MTPAP: variants seen among roughly 807,000 people sequenced by gnomAD.
MTPAP encodes poly(A) RNA polymerase, mitochondrial.
A neutral mutation model predicts 48.7 loss-of-function variants in MTPAP; 23 were observed. The ratio of observed to expected loss-of-function variants is 0.47; its 90% CI spans 0.34 to 0.67. The LOEUF (loss-of-function observed/expected upper bound fraction) is 0.67. MTPAP is among the 30% of genes least tolerant of loss of function. The pLI, the probability that MTPAP is intolerant of heterozygous loss-of-function variation, is 0.01. For synonymous variants in MTPAP, 257 were observed against 254.1 expected (o/e 1.01, Z -0.11); for missense variants, 614 against 694.3 (o/e 0.88, Z 1.30).
At chr10:30,314,900 AAAAAAGAAG>A (rs1423941294) in intron 8 of MTPAP, among the ~76,000 whole-genome samples, 16 of 146,810 alleles carry the variant, frequency 1.1e-4, no homozygotes, top group African/African-American at 3.7e-4. Context: ...AAAAAAAAAA[AAAAAAGAAG>A]AGAAAAGAAA....
chr10:30,315,912 A>G lies in MTPAP; in HGVS notation c.1386+51T>C, dbSNP rs1023809330. ...TTTTGAAAACAGTTAATTAAATATT[A>G]GTACAGTGGAAGACCAGATACTAAT... On this transcript the variant is annotated intron_variant, in intron 8 of 8. Coordinates refer to ENST00000263063, the MANE Select transcript of MTPAP (RefSeq NM_018109.4). 4 of 1,446,026 alleles carry G rather than the reference A, an allele frequency of 2.8e-6. No individual in the cohort carries two copies. In the African/African-American group the frequency reaches 4.3e-5, roughly 15 times the overall value. The allele number at this position is 1,446,026 out of a possible 1,614,324, so 89.6% of individuals were successfully genotyped here. A position where few individuals can be genotyped will look rare whatever the true frequency, so the allele number is the denominator to read the frequency against.
intron 4 of MTPAP, among the ~76,000 whole-genome samples, chr10:30,334,026 T>G (rs1834701821): frequency 6.6e-6 from 1 of 152,132 alleles, no homozygotes; most frequent in South Asian, 2.1e-4. Flanking sequence ...CACAGTACTG[T>G]GGAATAAGTA....
intron 4 of MTPAP, among the ~76,000 whole-genome samples, chr10:30,329,682 GAATATTAACTA>G (rs531683492): frequency 4.7e-4 from 71 of 151,748 alleles, no homozygotes; most frequent in African/African-American, 1.6e-3. Context: ...TATAATCAAA[GAATATTAACTA>G]ATATATAGTT....
intron 3 of MTPAP, among the ~76,000 whole-genome samples, chr10:30,338,822 G>A (rs1363443747): frequency 6.6e-6 from 1 of 152,006 alleles, no homozygotes; most frequent in East Asian, 2.0e-4. Flanking sequence ...TGGCAAGTCT[G>A]AGTAAGAAAC....
At chr10:30,342,994 T>A (rs1834829350) in intron 1 of MTPAP, among the ~76,000 whole-genome samples, 1 of 152,084 alleles carries the variant, frequency 6.6e-6, no homozygotes, top group African/African-American at 2.4e-5. Context: ...GAGAAAAAAA[T>A]TATTCAAGTT....
chr10:30,346,701 G>A (rs1172225416), intron 1 of MTPAP, among the ~76,000 whole-genome samples: 1 of 152,144 alleles, frequency 6.6e-6, no homozygotes, highest in Non-Finnish European at 1.5e-5. Flanking sequence ...AACCTGTTCA[G>A]GTAACAGTTC....
chr10:30,327,933 A>C (rs1438164784), intron 4 of MTPAP, among the ~76,000 whole-genome samples: 1 of 152,174 alleles, frequency 6.6e-6, no homozygotes, highest in East Asian at 1.9e-4. Context: ...GAAGACAATG[A>C]GTGAATGCTT....
rs1057518710 is a variant in MTPAP at position 30,313,890 on chromosome 10, C to T, written c.1468G>A (p.Val490Ile). The change falls in exon 9 of 9, where the codon GTA (valine) becomes ATA (isoleucine). Residue 490 changes from valine to isoleucine, a missense_variant. Transcript: ENST00000263063. The stretch of plus-strand genomic sequence containing the variant: ...AATTTTTGCAGCTGGCTTTGACTTA[C>T]ATTTTTGCTTATGTTGAGAGAAGTT... ...FETSLNISKNVSQSQLQKFVD... is the reference protein window; with the variant it reads ...FETSLNISKNISQSQLQKFVD... The T allele has an allele frequency of 6.8e-6, 11 of 1,614,150 alleles. No individual in the cohort carries two copies. The highest frequency in any genetic ancestry group is 2.7e-5 in the African/African-American group (2 of 75,030).
chr10:30,338,995 C>T (rs1011475718), intron 3 of MTPAP, among the ~76,000 whole-genome samples: 1 of 151,246 alleles, frequency 6.6e-6, no homozygotes, highest in Admixed American at 6.6e-5. Flanking sequence ...TGGTGGTGGG[C>T]GCCTGTAGTC....
intron 8 of MTPAP, 29 bp from the exon 9 acceptor site, chr10:30,314,000 G>A (rs751013489): frequency 8.7e-6 from 14 of 1,607,190 alleles, no homozygotes; most frequent in South Asian, 1.1e-5. Context: ...AAGAAAAAAT[G>A]AGTAAGTACA....
chr10:30,313,946 G>C lies in MTPAP; in HGVS notation c.1412C>G (p.Ser471Cys). 1 of 1,613,872 alleles carries C rather than the reference G, an allele frequency of 6.2e-7. No homozygotes were observed. Among genetic ancestry groups the C allele is most frequent in the South Asian group, 1.1e-5 (1 of 91,056 alleles). ...TGGATTCTGAATGTACAGAGGAGAA[G>C]AATCAGGTTTGTTTTGCTCCCTTCC... The part of the protein sequence containing the change: ...RQGREQNKPD[S>C]SPLYIQNPFE... Residue 471 changes from serine (S) to cysteine (C), a missense_variant, in exon 9 of 9, where the codon TCT becomes TGT. Ser to Cys is a moderately radical substitution (Grantham distance 112). Coordinates refer to ENST00000263063, the MANE Select transcript of MTPAP (RefSeq NM_018109.4).
chr10:30,340,503 T>C (rs1002632515), intron 2 of MTPAP, 53 bp from the exon 3 acceptor site: 27 of 1,255,846 alleles, frequency 2.1e-5, no homozygotes, highest in Non-Finnish European at 2.9e-5. Flanking sequence ...ATATCTAACA[T>C]ACTATTTTAG....
intron 3 of MTPAP, among the ~76,000 whole-genome samples, chr10:30,339,209 G>A (rs187637741): frequency 2.6e-4 from 40 of 151,674 alleles, no homozygotes; most frequent in Admixed American, 1.3e-3. Context: ...ATCTTGGGCC[G>A]GGCGTAGTGG....
rs1296190149 is a variant in MTPAP at position 30,313,176 on chromosome 10, TGAG to T, written c.*430_*432del. 4 of 188,898 alleles carry T rather than the reference TGAG, an allele frequency of 2.1e-5. No homozygotes were observed. The highest frequency in any genetic ancestry group is 4.4e-5 in the Non-Finnish European group (4 of 90,118). 11.7% of individuals were successfully genotyped at this position (188,898 alleles called of 1,614,324 possible). On this transcript the variant is annotated 3_prime_UTR_variant, in exon 9 of 9. Transcript: ENST00000263063. ...ATCAACAATGGTTTCATCCTAAAAC[TGAG>T]TTTTAGCATTTGTTTAGTATATTTA...
In MTPAP at chr10:30,310,543, T is replaced by G. The variant is rs1445218200; in HGVS notation, c.*3066A>C. On this transcript the variant is annotated 3_prime_UTR_variant, in exon 9 of 9. Transcript: ENST00000263063. Reference sequence around the variant, plus strand: ...GGAGGTTTCAGTGAGCCAAGATCACTGCACTCTCCAGCCTGGGTGACAGAG... The same window carrying G: ...GGAGGTTTCAGTGAGCCAAGATCACGGCACTCTCCAGCCTGGGTGACAGAG... The G allele has an allele frequency of 7.0e-6, 1 of 143,354 alleles. No individual in the cohort carries two copies. The allele number at this position is 143,354 out of a possible 1,614,324, so 8.9% of individuals were successfully genotyped here.
chr10:30,313,469 T>G lies in MTPAP; in HGVS notation c.*140A>C, dbSNP rs1358655605. The G allele has an allele frequency of 8.3e-7, 1 of 1,199,070 alleles. No individual in the cohort carries two copies. The highest frequency in any genetic ancestry group is 1.5e-5 in the African/African-American group (1 of 66,476). The allele number at this position is 1,199,070 out of a possible 1,614,324, so 74.3% of individuals were successfully genotyped here. A position where few individuals can be genotyped will look rare whatever the true frequency, so the allele number is the denominator to read the frequency against. On this transcript the variant is annotated 3_prime_UTR_variant, in exon 9 of 9. Coordinates refer to ENST00000263063, the MANE Select transcript of MTPAP (RefSeq NM_018109.4). Reference sequence around the variant, plus strand: ...AACATCCCAGAACTTCAGACCAGGTTAAGGGGGCCAATGAGAAGATCATGA... The same window carrying G: ...AACATCCCAGAACTTCAGACCAGGTGAAGGGGGCCAATGAGAAGATCATGA...
chr10:30,316,642 A>C (rs813758), intron 6 of MTPAP, among the ~76,000 whole-genome samples: 118,043 of 150,898 alleles, frequency 0.78, 46,511 homozygotes, highest in African/African-American at 0.88. Context: ...GTAATCCCAG[A>C]ACTTTGGAAG....
At chr10:30,340,851 G>C (rs1971586) in intron 2 of MTPAP, among the ~76,000 whole-genome samples, 1 of 151,740 alleles carries the variant, frequency 6.6e-6, no homozygotes, top group Non-Finnish European at 1.5e-5. Flanking sequence ...CCCAAGAGAC[G>C]GAGGTTGCAA....
In MTPAP at chr10:30,322,524, T is replaced by C. The variant is rs1186639627; in HGVS notation, c.1086A>G (p.Arg362=). The change falls in exon 6 of 9, where the codon CGA becomes CGG. Residue 362 remains arginine (R), a synonymous_variant. Coordinates refer to ENST00000263063, the MANE Select transcript of MTPAP (RefSeq NM_018109.4). ...GAATACTACTTGTTAGTGAATGTGC[T>C]CGAGCCCAGCACCGTACACTGAACA... ...ALVFSVRCWA[R]AHSLTSSIPG... 4 of 1,614,036 alleles carry C rather than the reference T, an allele frequency of 2.5e-6. No homozygotes were observed. Among genetic ancestry groups the C allele is most frequent in the Non-Finnish European group, 3.4e-6 (4 of 1,179,928 alleles).
Sources: gnomAD v4.1 joint callset for allele counts (sites outside exome capture counted in the v4.1 genomes callset) on GRCh38, gnomAD v4.1.1 for gene constraint, MANE v1.5 for transcripts, NCBI Gene and HGNC (gene_info 2026-07-23, HGNC 2026-07-21) for gene names.